KIF17: variants seen among roughly 807,000 people sequenced by gnomAD.
KIF17 encodes the protein kinesin family member 17.
KIF17 carries 80 observed loss-of-function variants against 96.8 expected under a neutral mutation model. The observed-to-expected ratio is 0.83, with a 90% CI of 0.69 to 1.00. The LOEUF (loss-of-function observed/expected upper bound fraction) is 1.00. Ranked by LOEUF, KIF17 falls within the 50% of genes least tolerant of loss-of-function variation. The pLI, the probability that KIF17 is intolerant of heterozygous loss-of-function variation, is 0.00. For missense variants in KIF17, 1,280 were observed against 1,372.9 expected (o/e 0.93, Z 1.07); for synonymous variants, 567 against 587.5 (o/e 0.97, Z 0.51).
intron 2 of KIF17, among the ~76,000 whole-genome samples, chr1:20,714,284 G>A (rs1388101508): frequency 5.9e-5 from 9 of 151,490 alleles, no homozygotes; most frequent in South Asian, 2.1e-4. Flanking sequence ...CTGAGATCAC[G>A]CCACTGCACT....
intron 4 of KIF17, among the ~76,000 whole-genome samples, chr1:20,705,423 C>A (rs2054323471): frequency 1.3e-5 from 2 of 152,182 alleles, no homozygotes; most frequent in Non-Finnish European, 2.9e-5. Flanking sequence ...CCCACATCAA[C>A]AAAATGAGAC....
At chr1:20,712,985 A>AAT (rs2154537865) in intron 3 of KIF17, among the ~76,000 whole-genome samples, 2 of 138,552 alleles carry the variant, frequency 1.4e-5, no homozygotes, top group East Asian at 4.0e-4. Flanking sequence ...ATATATAGAT[A>AAT]CTATATATAA....
rs1191634294 is a variant in KIF17 at position 20,685,212 on chromosome 1, C to T, written c.2020-192G>A. On this transcript the variant is annotated intron_variant, in intron 9 of 14. Transcript: ENST00000400463. The surrounding 1 kb of genome is among the most constrained non-coding windows in gnomAD (Gnocchi z 4.1). Reference sequence around the variant, plus strand: ...CTTACTGCCGCTATTCCCACTGACACCCCCACGCTAGGAGGAAGGCTCCCA... The same window carrying T: ...CTTACTGCCGCTATTCCCACTGACATCCCCACGCTAGGAGGAAGGCTCCCA... 4.3e-6 allele frequency: 3 copies of T among 701,664 alleles called. No homozygotes were observed. Among genetic ancestry groups the T allele is most frequent in the Non-Finnish European group, 7.8e-6 (3 of 382,590 alleles). The allele number at this position is 701,664 out of a possible 1,614,324, so 43.5% of individuals were successfully genotyped here.
At chr1:20,696,499 GAGA>G (rs1482945573) in intron 6 of KIF17, among the ~76,000 whole-genome samples, 1 of 152,038 alleles carries the variant, frequency 6.6e-6, no homozygotes, top group Middle Eastern at 3.2e-3. Context: ...GCCGCCCCAC[GAGA>G]AGGAGGCAGG....
chr1:20,698,015 G>T (rs570030120), intron 6 of KIF17, among the ~76,000 whole-genome samples: 4 of 152,300 alleles, frequency 2.6e-5, no homozygotes, highest in African/African-American at 9.6e-5. Context: ...CTCTGCACAG[G>T]CCATTTCCAC....
intron 6 of KIF17, among the ~76,000 whole-genome samples, chr1:20,692,430 T>G (rs1247229617): frequency 1.3e-5 from 2 of 152,046 alleles, no homozygotes; most frequent in Non-Finnish European, 2.9e-5. Flanking sequence ...AACCTCCACT[T>G]CCCAGGTTCA....
rs601392 is a variant in KIF17, at chr1:20,717,726, A to C, written c.-20T>G. On this transcript the variant is annotated 5_prime_UTR_variant, in exon 1 of 15. Coordinates refer to ENST00000400463, the MANE Select transcript of KIF17 (RefSeq NM_001122819.3). Reference sequence around the variant, plus strand: ...GGCCATGGCGCCGCGCCCAGGACCAACGGGACCAGAGCTGACCCCCGCCCC... The same window carrying C: ...GGCCATGGCGCCGCGCCCAGGACCACCGGGACCAGAGCTGACCCCCGCCCC... 1,307,437 of 1,548,572 alleles carry C rather than the reference A, an allele frequency of 0.84. 553,882 individuals carry two copies. Among genetic ancestry groups the C allele is most frequent in the East Asian group, 1 (41,427 of 41,472 alleles).
intron 5 of KIF17, among the ~76,000 whole-genome samples, chr1:20,701,430 C>CAA (rs34274447): frequency 6.6e-6 from 1 of 150,726 alleles, no homozygotes; most frequent in African/African-American, 2.4e-5. Context: ...GACTCCGTCT[C>CAA]AAAAAAAAAG....
intron 1 of KIF17, among the ~76,000 whole-genome samples, chr1:20,716,967 C>T (rs553090128): frequency 2.0e-5 from 3 of 152,158 alleles, no homozygotes; most frequent in African/African-American, 7.2e-5. Context: ...GGCATCTATG[C>T]CCGGTTCCAC....
intron 6 of KIF17, among the ~76,000 whole-genome samples, chr1:20,695,132 A>G (rs1010591335): frequency 2.0e-5 from 3 of 148,040 alleles, no homozygotes; most frequent in East Asian, 1.9e-4. Context: ...ACACACGCAC[A>G]CACACGCACA....
At chr1:20,663,341 C>T (rs2053469705), downstream of KIF17, among the ~76,000 whole-genome samples, 1 of 152,228 alleles carries the variant, frequency 6.6e-6, no homozygotes, top group South Asian at 2.1e-4. Context: ...CCCACCCCAG[C>T]TTCTCAAGAG....
chr1:20,678,059 AT>A (rs1457221232), intron 11 of KIF17, among the ~76,000 whole-genome samples: 1 of 152,228 alleles, frequency 6.6e-6, no homozygotes, highest in Non-Finnish European at 1.5e-5. Flanking sequence ...ACACTGGGTA[AT>A]TTATAAAGAA....
chr1:20,717,553 ACTGCTTG>A lies in KIF17; in HGVS notation c.147_153del (p.Lys50SerfsTer110). 6.2e-7 allele frequency: 1 copy of A among 1,610,588 alleles called. No individual in the cohort carries two copies. Among genetic ancestry groups the A allele is most frequent in the Non-Finnish European group, 8.5e-7 (1 of 1,179,064 alleles). ...ACGTGGTAGGCGCCGTCGAAGGTGAACTGCTTGGGCGGCTCGTCGGCGGCGCCCGGGT... is the reference window on the plus strand; with the variant it reads ...ACGTGGTAGGCGCCGTCGAAGGTGAAGGCGGCTCGTCGGCGGCGCCCGGGT... On this transcript the variant is annotated frameshift_variant, in exon 1 of 15. Transcript: ENST00000400463. LOFTEE classifies it high-confidence loss of function.
intron 4 of KIF17, among the ~76,000 whole-genome samples, chr1:20,706,063 C>G (rs1423788153): frequency 1.3e-5 from 2 of 151,522 alleles, no homozygotes; most frequent in Non-Finnish European, 2.9e-5. Flanking sequence ...CGTACATCAC[C>G]ACGCCTGGCT....
At chr1:20,703,487 G>GATGC (rs1267153852) in intron 5 of KIF17, among the ~76,000 whole-genome samples, 3 of 109,824 alleles carry the variant, frequency 2.7e-5, no homozygotes, top group East Asian at 2.5e-4. Flanking sequence ...TAGATGGATA[G>GATGC]ATGGATGGAT....
At chr1:20,675,969 G>T in intron 11 of KIF17, among the ~76,000 whole-genome samples, 1 of 152,134 alleles carries the variant, frequency 6.6e-6, no homozygotes, top group Non-Finnish European at 1.5e-5. Flanking sequence ...GAACCCAGGA[G>T]ATGGAGGTTG....
At chr1:20,716,447 G>A (rs1047229587) in intron 1 of KIF17, among the ~76,000 whole-genome samples, 2 of 152,196 alleles carry the variant, frequency 1.3e-5, no homozygotes, top group African/African-American at 2.4e-5. Flanking sequence ...GGCACACAGC[G>A]ACAAGAGTCC....
downstream of KIF17, among the ~76,000 whole-genome samples, chr1:20,662,125 T>G (rs1311973820): frequency 2.0e-5 from 3 of 152,256 alleles, no homozygotes; most frequent in African/African-American, 7.2e-5. Context: ...TTTATCTGTG[T>G]GCCTTAGGAA....
chr1:20,713,649 G>A lies in KIF17; in HGVS notation c.379-94C>T, dbSNP rs2054523175. ...TGGGGCCTGGGCCCTCTGCCACCAG[G>A]ACATCATGGGAGGAGAAGGGACATC... On this transcript the variant is annotated intron_variant, in intron 2 of 14. Coordinates refer to ENST00000400463, the MANE Select transcript of KIF17 (RefSeq NM_001122819.3). 11 of 887,056 alleles carry A rather than the reference G, an allele frequency of 1.2e-5. No homozygotes were observed. The South Asian group carries it at 1.5e-4, about 12-fold the overall frequency. The allele number at this position is 887,056 out of a possible 1,614,324, so 54.9% of individuals were successfully genotyped here. A position where few individuals can be genotyped will look rare whatever the true frequency, so the allele number is the denominator to read the frequency against.
Sources: gnomAD v4.1 joint callset for allele counts (sites outside exome capture counted in the v4.1 genomes callset) on GRCh38, gnomAD v4.1.1 for gene constraint, Gnocchi (gnomAD v3.1) non-coding constraint, MANE v1.5 for transcripts, NCBI Gene and HGNC (gene_info 2026-07-23, HGNC 2026-07-21) for gene names.